SEMA3A: variants seen among roughly 807,000 people sequenced by gnomAD.
The protein encoded by SEMA3A is semaphorin-3A.
SEMA3A carries 29 observed loss-of-function variants against 97.9 expected under a neutral mutation model. The observed-to-expected ratio is 0.30, with a 90% confidence interval of 0.22 to 0.40. The LOEUF (loss-of-function observed/expected upper bound fraction) is 0.40, where lower values mean the gene tolerates loss of function less well. Ranked by LOEUF, SEMA3A falls within the 10% of genes least tolerant of loss-of-function variation. SEMA3A has a pLI of 1.00. For synonymous variants in SEMA3A, 321 were observed against 323.7 expected, an observed-to-expected ratio of 0.99 and a Z score of 0.09; for missense variants, 763 against 951.3, an observed-to-expected ratio of 0.80 and a Z score of 2.60.
intron 1 of SEMA3A, among the ~76,000 whole-genome samples, chr7:84,417,423 T>C (rs1286793658): frequency 6.6e-6 from 1 of 152,096 alleles, no homozygotes; most frequent in Non-Finnish European, 1.5e-5. Context: ...ACTTTAAAGA[T>C]TCTGAAAAAA....
intron 1 of SEMA3A, among the ~76,000 whole-genome samples, chr7:84,434,284 A>G (rs1322265617): frequency 1.9e-5 from 1 of 51,790 alleles, no homozygotes; most frequent in Non-Finnish European, 3.5e-5. Flanking sequence ...CTTCCTGGAA[A>G]CACACACGAA....
chr7:84,024,796 G>A (rs1440818166), intron 6 of SEMA3A, among the ~76,000 whole-genome samples: 1 of 152,056 alleles, frequency 6.6e-6, no homozygotes, highest in Non-Finnish European at 1.5e-5. Context: ...AAAAGTTAAT[G>A]GTAACATAAG....
chr7:84,270,071 G>C (rs1800104173), intron 3 of SEMA3A, among the ~76,000 whole-genome samples: 1 of 152,008 alleles, frequency 6.6e-6, no homozygotes, highest in African/African-American at 2.4e-5. Flanking sequence ...AATATGATTT[G>C]GTATCCCCTG....
intron 2 of SEMA3A, among the ~76,000 whole-genome samples, chr7:84,362,893 C>G (rs1802761517): frequency 6.6e-6 from 1 of 151,954 alleles, no homozygotes; most frequent in African/African-American, 2.4e-5. Flanking sequence ...GAGCCCTGCT[C>G]TATGTCTGCA....
At chr7:84,249,443 CA>C in intron 3 of SEMA3A, among the ~76,000 whole-genome samples, 1 of 146,946 alleles carries the variant, frequency 6.8e-6, no homozygotes, top group South Asian at 2.1e-4. Context: ...TAGATATATA[CA>C]TATTTAACTT....
At chr7:84,262,350 G>A (rs1799878065) in intron 3 of SEMA3A, among the ~76,000 whole-genome samples, 1 of 152,126 alleles carries the variant, frequency 6.6e-6, no homozygotes, top group Non-Finnish European at 1.5e-5. Context: ...AAGTAGCTGG[G>A]ATTACAGGTG....
chr7:84,317,307 C>T (rs585661), intron 2 of SEMA3A, among the ~76,000 whole-genome samples: 1 of 151,946 alleles, frequency 6.6e-6, no homozygotes, highest in Non-Finnish European at 1.5e-5. Flanking sequence ...TGATTTTCTA[C>T]AGATAAAAGT....
At chr7:84,061,111 A>G (rs1310428912) in intron 4 of SEMA3A, among the ~76,000 whole-genome samples, 8 of 152,176 alleles carry the variant, frequency 5.3e-5, no homozygotes, top group Non-Finnish European at 1.2e-4. Context: ...TTTAAGTTAC[A>G]GCAGCAGGTG....
At chr7:84,133,243 A>G (rs1796019603) in intron 2 of SEMA3A, among the ~76,000 whole-genome samples, 2 of 152,184 alleles carry the variant, frequency 1.3e-5, no homozygotes, top group South Asian at 4.1e-4. Flanking sequence ...ATACATTATA[A>G]GTGTATTACC....
At chr7:84,445,175 G>C (rs2116349926) in intron 1 of SEMA3A, among the ~76,000 whole-genome samples, 1 of 151,926 alleles carries the variant, frequency 6.6e-6, no homozygotes, top group East Asian at 1.9e-4. Flanking sequence ...TATCTTCTCT[G>C]ACCACACTGG....
intron 1 of SEMA3A, among the ~76,000 whole-genome samples, chr7:84,457,533 G>C (rs1490619270): frequency 6.6e-6 from 1 of 151,886 alleles, no homozygotes; most frequent in Non-Finnish European, 1.5e-5. Flanking sequence ...ACTTTTAATT[G>C]AATTGATGTT....
At chr7:84,406,910 A>G (rs142137515) in intron 1 of SEMA3A, among the ~76,000 whole-genome samples, 21,461 of 152,134 alleles carry the variant, frequency 0.14, 3,099 homozygotes, top group African/African-American at 0.36. Flanking sequence ...TCAAAATAAT[A>G]AGAGTTATCT....
intron 2 of SEMA3A, among the ~76,000 whole-genome samples, chr7:84,344,875 G>C (rs926988439): frequency 3.9e-5 from 6 of 152,118 alleles, no homozygotes; most frequent in African/African-American, 1.4e-4. Context: ...TTGAGAAACA[G>C]TGTTAGGGAA....
chr7:84,009,190 A>G (rs1180995540), intron 9 of SEMA3A, among the ~76,000 whole-genome samples: 1 of 152,188 alleles, frequency 6.6e-6, no homozygotes, highest in Non-Finnish European at 1.5e-5. Flanking sequence ...TAGGAATCTG[A>G]ATTTTATCAT....
chr7:84,219,108 T>C (rs184525404), intron 3 of SEMA3A, among the ~76,000 whole-genome samples: 24 of 152,186 alleles, frequency 1.6e-4, no homozygotes, highest in African/African-American at 5.5e-4. Flanking sequence ...AAAAGACTGA[T>C]AAACCAGTGA....
At chr7:84,400,285 G>A (rs1803866142) in intron 1 of SEMA3A, among the ~76,000 whole-genome samples, 1 of 152,092 alleles carries the variant, frequency 6.6e-6, no homozygotes, top group African/African-American at 2.4e-5. Flanking sequence ...ATACCAAATG[G>A]AATAAATAAG....
intron 2 of SEMA3A, among the ~76,000 whole-genome samples, chr7:84,332,386 G>C (rs1168966491): frequency 1.3e-5 from 2 of 151,960 alleles, no homozygotes; most frequent in Non-Finnish European, 2.9e-5. Flanking sequence ...GCCCATCACT[G>C]GATACACCAC....
At position 83,969,735 on chromosome 7, in the gene SEMA3A, A is replaced by G. The variant is rs114808805; in HGVS notation, c.1718-6388T>C. ...TAAATTTGTTAAGTTTAATAATGTT[A>G]TAAAAATTGACTTGAGAGAGGGTGG... On this transcript the variant is annotated intron_variant, in intron 15 of 16. Transcript: ENST00000265362. 3.1e-3 allele frequency among the ~76,000 whole-genome samples: 474 copies of G among 152,330 alleles called. 3 individuals carry two copies. The highest frequency in any genetic ancestry group is 0.011 in the African/African-American group (442 of 41,572).
At chr7:84,061,372 T>G (rs574353382) in intron 4 of SEMA3A, among the ~76,000 whole-genome samples, 8 of 152,292 alleles carry the variant, frequency 5.3e-5, no homozygotes, top group African/African-American at 1.7e-4. Flanking sequence ...AGATAACTAA[T>G]TCACGCTTGA....
Sources: gnomAD v4.1 joint callset for allele counts (sites outside exome capture counted in the v4.1 genomes callset) on GRCh38, gnomAD v4.1.1 for gene constraint, MANE v1.5 for transcripts, NCBI Gene and HGNC (gene_info 2026-07-23, HGNC 2026-07-21) for gene names.